The following ALPK1 variants were observed in gnomAD, a reference collection of about 807,000 sequenced individuals.
ALPK1 encodes alpha-protein kinase 1.
A neutral mutation model predicts 120.6 loss-of-function variants in ALPK1; 110 were observed. The ratio of observed to expected loss-of-function variants is 0.91; its 90% CI spans 0.78 to 1.07. ALPK1 has a LOEUF of 1.07. ALPK1 is among the 50% of genes least tolerant of loss of function. ALPK1 has a pLI of 0.00. For missense variants in ALPK1, 1,498 were observed against 1,483.9 expected (o/e 1.01, Z -0.16); for synonymous variants, 582 against 560.3 (o/e 1.04, Z -0.55).
intron 14 of ALPK1, 105 bp from the exon 15 acceptor site, chr4:112,440,812 A>AGT (rs71595596): frequency 0.046 from 57,974 of 1,272,490 alleles, 275 homozygotes; most frequent in African/African-American, 0.088. Flanking sequence ...TATCTCTTTA[A>AGT]GTGTGTGTGT....
At chr4:112,411,465 T>G (rs954533540) in intron 4 of ALPK1, among the ~76,000 whole-genome samples, 5 of 152,266 alleles carry the variant, frequency 3.3e-5, no homozygotes, top group African/African-American at 1.2e-4. Flanking sequence ...CCTCAAGAGA[T>G]CCACACGCCT....
intron 2 of ALPK1, chr4:112,357,197 A>G: frequency 6.4e-7 from 1 of 1,551,604 alleles, no homozygotes; most frequent in Non-Finnish European, 8.8e-7. Context: ...TGAAGCCCAG[A>G]GCACGTTTCA....
At chr4:112,322,868 A>G (rs897497908) in intron 2 of ALPK1, among the ~76,000 whole-genome samples, 2 of 152,250 alleles carry the variant, frequency 1.3e-5, no homozygotes, top group African/African-American at 2.4e-5. Flanking sequence ...CATGGAAATA[A>G]CATTACTAAA....
At chr4:112,416,384 G>A (rs1315689128) in intron 5 of ALPK1, among the ~76,000 whole-genome samples, 2 of 152,012 alleles carry the variant, frequency 1.3e-5, no homozygotes, top group Non-Finnish European at 2.9e-5. Context: ...GAAAATTATG[G>A]AACTGGAAAC....
At chr4:112,435,782 G>C (rs888919261) in intron 12 of ALPK1, among the ~76,000 whole-genome samples, 1 of 152,244 alleles carries the variant, frequency 6.6e-6, no homozygotes, top group African/African-American at 2.4e-5. Context: ...GTTTGAGGCA[G>C]GGGTGGAGTG....
chr4:112,430,989 A>G lies in ALPK1; in HGVS notation c.1442A>G (p.Gln481Arg). ...ESDCGNNKNE[Q>R]KDAKTGVCIT... ...GATTGTGGAAACAACAAAAATGAAC[A>G]GAAAGATGCAAAAACAGGAGTCTGC... Residue 481 changes from glutamine (Q) to arginine (R), a missense_variant, in exon 11 of 16, where the codon CAG becomes CGG. Coordinates refer to ENST00000650871, the MANE Select transcript of ALPK1 (RefSeq NM_025144.4). 1 of 1,613,676 alleles carries G rather than the reference A, an allele frequency of 6.2e-7. No individual in the cohort carries two copies. The highest frequency in any genetic ancestry group is 8.5e-7 in the Non-Finnish European group (1 of 1,179,694).
intron 2 of ALPK1, among the ~76,000 whole-genome samples, chr4:112,340,724 G>GCTA (rs1729824841): frequency 1.3e-5 from 2 of 152,200 alleles, no homozygotes; most frequent in Admixed American, 1.3e-4. Flanking sequence ...GTTGGGAAAT[G>GCTA]CTACATCTTC....
chr4:112,417,135 A>G (rs1733779826), intron 5 of ALPK1, among the ~76,000 whole-genome samples: 2 of 152,180 alleles, frequency 1.3e-5, no homozygotes, highest in African/African-American at 4.8e-5. Context: ...AAGTGAGGAT[A>G]AAATAGACAT....
chr4:112,304,009 T>C lies in ALPK1; in HGVS notation c.-153+6540T>C, dbSNP rs570999311. 3.9e-5 allele frequency among the ~76,000 whole-genome samples: 6 copies of C among 152,310 alleles called. No individual in the cohort carries two copies. The East Asian group carries it at 1.2e-3, about 29-fold the overall frequency. On this transcript the variant is annotated intron_variant, in intron 1 of 15. Transcript: ENST00000650871. ...GTGAGAACATGGGGTGTTTGGTTTT[T>C]TGTCCTTGCGATAGTTTGCTGAGAA...
chr4:112,418,824 T>C (rs1398918274), intron 5 of ALPK1, among the ~76,000 whole-genome samples: 1 of 152,088 alleles, frequency 6.6e-6, no homozygotes. Flanking sequence ...GCAAAACCAA[T>C]GATGAAAAAT....
At position 112,429,212 on chromosome 4, in the gene ALPK1, G is replaced by T; in HGVS notation, c.859G>T (p.Ala287Ser). The T allele has an allele frequency of 6.2e-7, 1 of 1,613,024 alleles. No individual in the cohort carries two copies. The change falls in exon 10 of 16, where the codon GCC becomes TCC. Residue 287 changes from alanine to serine, a missense_variant. Coordinates refer to ENST00000650871, the MANE Select transcript of ALPK1 (RefSeq NM_025144.4). The stretch of plus-strand genomic sequence containing the variant: ...TGCAGAAGCCTGCAAGCTGGCAGCT[G>T]CCTTCAGTGCCTATACGCCGCTCTT... ...SAAEACKLAA[A>S]FSAYTPLFVL...
Position 112,431,499 on chromosome 4 carries a change from A to C in ALPK1, c.1952A>C (p.Gln651Pro), listed in dbSNP as rs1734550329. 1 of 1,614,072 alleles carries C rather than the reference A, an allele frequency of 6.2e-7. No homozygotes were observed. Among genetic ancestry groups the C allele is most frequent in the Non-Finnish European group, 8.5e-7 (1 of 1,180,022 alleles). The change falls in exon 11 of 16, where the codon CAG (glutamine) becomes CCG (proline). Residue 651 changes from glutamine (Q) to proline (P), a missense_variant. Physicochemically the swap from Gln to Pro is moderately conservative, Grantham distance 76 (BLOSUM62 -1). Coordinates refer to ENST00000650871, the MANE Select transcript of ALPK1 (RefSeq NM_025144.4). ...LHSQLHDLSLQEPNNDNLEPS... is the reference protein window; with the variant it reads ...LHSQLHDLSLPEPNNDNLEPS... ...TCACAGCTTCATGATCTCTCTCTTCAGGAACCCAACAATGACAATTTGGAG... is the reference window on the plus strand; with the variant it reads ...TCACAGCTTCATGATCTCTCTCTTCCGGAACCCAACAATGACAATTTGGAG...
At chr4:112,357,622 A>T (rs1161029953) in intron 2 of ALPK1, 2 of 1,607,136 alleles carry the variant, frequency 1.2e-6, no homozygotes, top group African/African-American at 2.7e-5. Flanking sequence ...CTGCCTGGAG[A>T]ACCCACACAT....
chr4:112,297,851 T>TA (rs934525207), intron 1 of ALPK1, among the ~76,000 whole-genome samples: 18 of 151,408 alleles, frequency 1.2e-4, no homozygotes, highest in African/African-American at 3.2e-4. Context: ...ATTATTTGTT[T>TA]AAAAAAAAAC....
At chr4:112,324,743 T>C (rs968806837) in intron 2 of ALPK1, among the ~76,000 whole-genome samples, 3 of 152,096 alleles carry the variant, frequency 2.0e-5, no homozygotes, top group African/African-American at 7.2e-5. Context: ...TCCCAAAATG[T>C]TGGAATTACA....
rs765367142 is a variant in ALPK1 at position 112,430,671 on chromosome 4, T to C, written c.1124T>C (p.Val375Ala). 4 of 1,614,008 alleles carry C rather than the reference T, an allele frequency of 2.5e-6. No homozygotes were observed. The highest frequency in any genetic ancestry group is 2.7e-5 in the African/African-American group (2 of 74,894). The change falls in exon 11 of 16, where the codon GTC (valine) becomes GCC (alanine). Residue 375 changes from valine to alanine, a missense_variant. Val to Ala is a moderately conservative substitution (Grantham distance 64). Coordinates refer to ENST00000650871, the MANE Select transcript of ALPK1 (RefSeq NM_025144.4). Reference protein sequence around the residue: ...HRRLHGETGTVHAASQLCKEA... With the variant: ...HRRLHGETGTAHAASQLCKEA... ...AGGCTCCATGGGGAGACAGGGACGG[T>C]CCATGCAGCAAGTCAGCTCTGTAAG... is the stretch of plus-strand genomic sequence containing the variant.
rs924008753 is a variant in ALPK1, at chr4:112,430,896, G to A, written c.1349G>A (p.Gly450Glu). 6.2e-7 allele frequency: 1 copy of A among 1,614,148 alleles called. No homozygotes were observed. The highest frequency in any genetic ancestry group is 8.5e-7 in the Non-Finnish European group (1 of 1,179,998). The change falls in exon 11 of 16, where the codon GGG (glycine) becomes GAG (glutamate). Residue 450 changes from glycine to glutamate, a missense_variant. By Grantham distance (98) the Gly-to-Glu change is moderately conservative. Transcript: ENST00000650871. The stretch of plus-strand genomic sequence containing the variant: ...GATAAACTTATCTTGCATGGGCAAG[G>A]GGATTTCCAAAAAATCCTTGACACC... Reference protein sequence around the residue: ...RLDKLILHGQGDFQKILDTYS... With the variant: ...RLDKLILHGQEDFQKILDTYS...
intron 2 of ALPK1, among the ~76,000 whole-genome samples, chr4:112,361,200 A>G (rs764193819): frequency 2.2e-4 from 33 of 152,238 alleles, no homozygotes; most frequent in Non-Finnish European, 4.9e-4. Context: ...AAGCCGAGAC[A>G]ATCCACAGAC....
chr4:112,347,124 C>T (rs1328679627), intron 2 of ALPK1, among the ~76,000 whole-genome samples: 1 of 152,186 alleles, frequency 6.6e-6, no homozygotes, highest in Non-Finnish European at 1.5e-5. Context: ...ATTTGAGAAT[C>T]AAGCCTAAGA....
Sources: gnomAD v4.1 joint callset for allele counts (sites outside exome capture counted in the v4.1 genomes callset) on GRCh38, gnomAD v4.1.1 for gene constraint, MANE v1.5 for transcripts, NCBI Gene and HGNC (gene_info 2026-07-23, HGNC 2026-07-21) for gene names.